The following SDHD variants were observed in gnomAD, a reference collection of about 807,000 sequenced individuals.
SDHD encodes the protein succinate dehydrogenase [ubiquinone] cytochrome b small subunit, mitochondrial.
In SDHD, 6 loss-of-function variants were observed where a neutral mutation model predicts 18.7. The ratio of observed to expected loss-of-function variants is 0.32; its 90% confidence interval spans 0.18 to 0.63. The LOEUF (loss-of-function observed/expected upper bound fraction) is 0.63, where lower values mean the gene tolerates loss of function less well. Among genes scored for constraint, SDHD ranks in the 30% least tolerant of loss-of-function variants. The pLI, the probability that SDHD is intolerant of heterozygous loss-of-function variation, is 0.79. For missense variants in SDHD, 160 were observed against 192.7 expected (o/e 0.83, Z 1.00); for synonymous variants, 56 against 73.9 (o/e 0.76, Z 1.24).
chr11:112,089,943 TAA>T (rs1040789968), intron 3 of SDHD, among the ~76,000 whole-genome samples: 7 of 144,706 alleles, frequency 4.8e-5, no homozygotes, highest in Non-Finnish European at 7.6e-5. Context: ...TCTTGCCTCT[TAA>T]AAAAAAAAAA....
chr11:112,088,356 T>G, intron 2 of SDHD: 1 of 347,128 alleles, frequency 2.9e-6, no homozygotes, highest in South Asian at 2.3e-5. Flanking sequence ...CCCACCACCA[T>G]GCCCAGCTAA....
rs1161641648 is a variant in SDHD, at chr11:112,093,027, C to CTTT, written c.315-1756_315-1754dup. 2.9e-3 allele frequency: 393 copies of CTTT among 135,670 alleles called. 2 individuals are homozygous for CTTT. The highest frequency in any genetic ancestry group is 8.0e-3 in the African/African-American group (175 of 21,908). The allele number at this position is 135,670 out of a possible 1,614,324, so 8.4% of individuals were successfully genotyped here. ...GACACAAAGGCCATATATTGTATGG[C>CTTT]TTTTTTTTTTTTTTTTTTTTTTTTG... is the stretch of plus-strand genomic sequence containing the variant. On this transcript the variant is annotated intron_variant, in intron 3 of 3. Transcript: ENST00000375549.
At chr11:112,094,034 G>A (rs539753275) in intron 3 of SDHD, among the ~76,000 whole-genome samples, 20 of 152,026 alleles carry the variant, frequency 1.3e-4, no homozygotes, top group South Asian at 6.2e-4. Context: ...TTAGTTATTG[G>A]GGTGAAAGGA....
intron 2 of SDHD, chr11:112,088,234 C>G (rs1865664411): frequency 1.8e-5 from 8 of 454,064 alleles, no homozygotes; most frequent in Non-Finnish European, 2.4e-5. Flanking sequence ...GAGTCTCGCT[C>G]TGTTATGCAG....
At chr11:112,094,720 GT>G (rs1233070227) in intron 3 of SDHD, 84 bp from the exon 4 acceptor site, 7 of 1,261,210 alleles carry the variant, frequency 5.6e-6, no homozygotes, top group African/African-American at 1.5e-5. Context: ...TTGACAGATT[GT>G]TTTTTTGCAG....
Position 112,086,893 on chromosome 11 carries a change from G to T in SDHD, c.-15G>T, listed in dbSNP as rs757913227. The T allele has an allele frequency of 6.2e-6, 10 of 1,614,236 alleles. No homozygotes were observed. The highest frequency in any genetic ancestry group is 2.2e-5 in the South Asian group (2 of 91,084). ...GTTCCGGGTTGGTGGATGACCTTGA[G>T]CCCTCAGGAACGAGATGGCGGTTCT... On this transcript the variant is annotated 5_prime_UTR_variant, in exon 1 of 4. Transcript: ENST00000375549.
chr11:112,092,809 T>C (rs1012537506), intron 3 of SDHD, among the ~76,000 whole-genome samples: 2 of 152,124 alleles, frequency 1.3e-5, no homozygotes, highest in Non-Finnish European at 2.9e-5. Context: ...GCAAAAAACT[T>C]GTACAGGAAT....
chr11:112,092,968 A>T (rs1224386505), intron 3 of SDHD: 1 of 190,154 alleles, frequency 5.3e-6, no homozygotes. Context: ...AAATGCTATG[A>T]CATGGATGAA....
In SDHD at chr11:112,092,770, A is replaced by T. The variant is rs180792193; in HGVS notation, c.315-2035A>T. On this transcript the variant is annotated intron_variant, in intron 3 of 3. Transcript: ENST00000375549. ...GACTCGGCGATCTACTTTTAGGTGT[A>T]TACCCAAGAGAACTGAAAACGTGTC... Among the ~76,000 whole-genome samples, 113 of 152,350 alleles carry T rather than the reference A, an allele frequency of 7.4e-4. 1 individual carries two copies. The highest frequency in any genetic ancestry group is 3.2e-4 in the Non-Finnish European group (22 of 68,028).
At chr11:112,092,286 G>GA (rs1029891900) in intron 3 of SDHD, among the ~76,000 whole-genome samples, 11 of 150,080 alleles carry the variant, frequency 7.3e-5, no homozygotes, top group Admixed American at 2.7e-4. Flanking sequence ...GACATTATTA[G>GA]AAAAAAAAAT....
intron 3 of SDHD, among the ~76,000 whole-genome samples, chr11:112,092,138 C>T (rs189991079): frequency 5.3e-5 from 8 of 151,990 alleles, no homozygotes; most frequent in South Asian, 2.1e-4. Flanking sequence ...CTAATGCACG[C>T]GGAGCTTAAA....
intron 3 of SDHD, among the ~76,000 whole-genome samples, chr11:112,094,017 G>A (rs980525038): frequency 6.6e-6 from 1 of 152,112 alleles, no homozygotes. Context: ...TAGAGTTTTA[G>A]TTATTTTTAG....
chr11:112,092,017 A>C (rs908316872), intron 3 of SDHD, among the ~76,000 whole-genome samples: 1 of 152,094 alleles, frequency 6.6e-6, no homozygotes, highest in African/African-American at 2.4e-5. Context: ...GTAGTGAGCC[A>C]AGATCGTGCC....
At chr11:112,088,058 C>T in intron 2 of SDHD, 85 bp downstream of exon 2, 1 of 941,724 alleles carries the variant, frequency 1.1e-6, no homozygotes, top group Non-Finnish European at 1.7e-6. Context: ...GGACTTCCTA[C>T]CTGTAGGGGG....
intron 3 of SDHD, chr11:112,093,132 T>TCTCGG (rs748802699): frequency 8.3e-5 from 32 of 384,776 alleles, no homozygotes; most frequent in South Asian, 3.3e-4. Context: ...CTCAGCACGA[T>TCTCGG]CTCAGCTTAC....
In SDHD at chr11:112,088,853, G is replaced by A; in HGVS notation, c.170-14G>A. The stretch of plus-strand genomic sequence containing the variant: ...TTCTCACATCAACTTTTATGAATCT[G>A]GTCCTTTTTGTAGCTGGCTCCAAGG... On this transcript the variant is annotated splice_polypyrimidine_tract_variant and intron_variant, in intron 2 of 3. Transcript: ENST00000375549. The A allele has an allele frequency of 6.2e-7, 1 of 1,612,042 alleles. No homozygotes were observed. Among genetic ancestry groups the A allele is most frequent in the Non-Finnish European group, 8.5e-7 (1 of 1,179,826 alleles).
chr11:112,095,477 A>G lies in SDHD; in HGVS notation c.*507A>G. ...GGTTACATATACTAGGGAAATTTTAAAATTAGGAAATGCTGATAGCTCATA... is the reference window on the plus strand; with the variant it reads ...GGTTACATATACTAGGGAAATTTTAGAATTAGGAAATGCTGATAGCTCATA... On this transcript the variant is annotated 3_prime_UTR_variant, in exon 4 of 4. Coordinates refer to ENST00000375549, the MANE Select transcript of SDHD (RefSeq NM_003002.4). 4.2e-6 allele frequency: 1 copy of G among 237,356 alleles called. No individual in the cohort carries two copies. Among genetic ancestry groups the G allele is most frequent in the East Asian group, 6.0e-5 (1 of 16,552 alleles). The allele number at this position is 237,356 out of a possible 1,614,324, so 14.7% of individuals were successfully genotyped here.
intron 3 of SDHD, among the ~76,000 whole-genome samples, chr11:112,090,797 G>A (rs984296379): frequency 3.3e-5 from 5 of 151,724 alleles, no homozygotes; most frequent in South Asian, 2.1e-4. Context: ...CTGGGTTCAA[G>A]CAATTCTCAT....
At chr11:112,093,838 T>C (rs931529966) in intron 3 of SDHD, among the ~76,000 whole-genome samples, 1 of 152,208 alleles carries the variant, frequency 6.6e-6, no homozygotes, top group African/African-American at 2.4e-5. Context: ...TCTTCCTTTC[T>C]AAAGTGTTTC....
Sources: allele counts gnomAD v4.1 joint callset (sites outside exome capture counted in the v4.1 genomes callset), GRCh38; gene constraint gnomAD v4.1.1; transcripts MANE v1.5; gene names NCBI Gene and HGNC (gene_info 2026-07-23, HGNC 2026-07-21).